TUT4: variants seen among roughly 807,000 people sequenced by gnomAD.
TUT4 encodes the protein terminal uridylyl transferase 4.
A neutral mutation model predicts 192.2 loss-of-function variants in TUT4; 36 were observed. That is an observed-to-expected ratio of 0.19 (90% CI 0.14 to 0.25). The LOEUF (loss-of-function observed/expected upper bound fraction) is 0.25, where lower values mean the gene tolerates loss of function less well. Ranked by LOEUF, TUT4 falls within the 10% of genes least tolerant of loss-of-function variation. The pLI is 1.00. For synonymous variants in TUT4, 618 were observed against 666.0 expected (o/e 0.93, Z 1.11); for missense variants, 1,493 against 1,957.2 (o/e 0.76, Z 4.47).
chr1:52,511,811 T>G (rs1571140029), intron 3 of TUT4, among the ~76,000 whole-genome samples: 1 of 152,134 alleles, frequency 6.6e-6, no homozygotes, highest in Admixed American at 6.6e-5. Context: ...CCATTGAAGG[T>G]TTATGAGCAG....
In TUT4 at chr1:52,472,102, G is replaced by A. The variant is rs746647559; in HGVS notation, c.2728C>T (p.Pro910Ser). ...FDKFILTSGK[P>S]PTIVCSICKK... ...CAGATGCTGCATACTATCGTTGGTGGCTACACAAAGATAAAAAGAAATCTA... is the reference window on the plus strand; with the variant it reads ...CAGATGCTGCATACTATCGTTGGTGACTACACAAAGATAAAAAGAAATCTA... The change falls in exon 14 of 30, where the codon CCA becomes TCA. Residue 910 changes from proline to serine, a missense_variant and splice_region_variant. This residue lies in a region of TUT4 where 59 missense variants were observed against 114.3 expected (regional missense o/e 0.52). Transcript: ENST00000257177. 11 of 1,611,968 alleles carry A rather than the reference G, an allele frequency of 6.8e-6. No individual in the cohort carries two copies. The South Asian group carries it at 7.7e-5, about 11-fold the overall frequency.
intron 13 of TUT4, among the ~76,000 whole-genome samples, 188 bp downstream of exon 13, chr1:52,474,644 T>C (rs1415472502): frequency 6.6e-6 from 1 of 152,174 alleles, no homozygotes; most frequent in Non-Finnish European, 1.5e-5. Flanking sequence ...CTGAAACCTT[T>C]TGAGGCTTTA....
chr1:52,449,742 A>G (rs971146676), intron 20 of TUT4, among the ~76,000 whole-genome samples: 2 of 152,152 alleles, frequency 1.3e-5, no homozygotes, highest in Non-Finnish European at 2.9e-5. Flanking sequence ...TCATCTGGTA[A>G]AACTAAAACT....
At chr1:52,434,681 T>A (rs1653199460) in intron 27 of TUT4, 1 of 152,014 alleles carries the variant, frequency 6.6e-6, no homozygotes, top group Non-Finnish European at 1.5e-5. Flanking sequence ...ATACTAAAAA[T>A]ACAAAAATTA....
intron 1 of TUT4, among the ~76,000 whole-genome samples, chr1:52,550,117 T>TA (rs1369497088): frequency 6.6e-6 from 1 of 152,112 alleles, no homozygotes; most frequent in Non-Finnish European, 1.5e-5. Context: ...AATAAAGATT[T>TA]AAAAAAGGAA....
intron 1 of TUT4, among the ~76,000 whole-genome samples, chr1:52,537,641 G>C (rs61319807): frequency 6.6e-6 from 1 of 152,178 alleles, no homozygotes; most frequent in African/African-American, 2.4e-5. Context: ...GGCTCAGCGC[G>C]GTGGCTCATG....
chr1:52,479,887 T>G (rs1452527591), intron 11 of TUT4, among the ~76,000 whole-genome samples: 1 of 150,444 alleles, frequency 6.6e-6, no homozygotes, highest in Non-Finnish European at 1.5e-5. Flanking sequence ...CCCAGCTACT[T>G]GGGAGGCTGA....
In TUT4 at chr1:52,463,744, G is replaced by T. The variant is rs533357230; in HGVS notation, c.3069+1326C>A. ...TGTCCAATCAGTCTTTTTCTTCCCT[G>T]GAGCTTGGACAATCTCCTTCCCACT... On this transcript the variant is annotated intron_variant, in intron 16 of 29. Transcript: ENST00000257177. 3.8e-5 allele frequency: 49 copies of T among 1,304,140 alleles called. 1 individual carries two copies. In the South Asian group the frequency reaches 5.6e-4, roughly 15 times the overall value. The allele number at this position is 1,304,140 out of a possible 1,614,324, so 80.8% of individuals were successfully genotyped here.
intron 27 of TUT4, 73 bp from the exon 28 acceptor site, chr1:52,431,533 C>T: frequency 1.7e-6 from 2 of 1,189,654 alleles, no homozygotes; most frequent in Non-Finnish European, 2.3e-6. Flanking sequence ...AGATAAAATA[C>T]AAAATTAAAA....
chr1:52,489,096 A>T, intron 8 of TUT4, 61 bp from the exon 9 acceptor site: 1 of 1,476,466 alleles, frequency 6.8e-7, no homozygotes, highest in Non-Finnish European at 9.0e-7. Context: ...GAATACTTCA[A>T]ATCCTGTGGC....
intron 7 of TUT4, 143 bp from the exon 8 acceptor site, chr1:52,490,944 C>G (rs907521693): frequency 1.0e-5 from 7 of 701,244 alleles, no homozygotes; most frequent in Non-Finnish European, 1.4e-5. Context: ...TGAGCACCAA[C>G]CCAGCGAAAT....
rs188412921 is a variant in TUT4, at chr1:52,436,868, C to T, written c.4049G>A (p.Arg1350Gln). 6.8e-5 allele frequency: 110 copies of T among 1,613,844 alleles called. No individual in the cohort carries two copies. The African/African-American group carries it at 8.1e-4, about 12-fold the overall frequency. The change falls in exon 26 of 30, where the codon CGA becomes CAA. Residue 1350 changes from arginine to glutamine, a missense_variant. By Grantham distance (43) the Arg-to-Gln change is conservative. Around this residue, in one of 7 missense-constraint regions of TUT4, gnomAD observed 351 missense variants for 397.8 expected, o/e 0.88. Transcript: ENST00000257177. ...GAGGTCTCTCGGGTCTCTAAAGTCT[C>T]GAGTATCGTGGAGGTCTCGGGGGTC... The part of the protein sequence containing the change: ...VLDPRDLHDT[R>Q]DFRDPRDLRC...
intron 3 of TUT4, among the ~76,000 whole-genome samples, chr1:52,513,092 C>T (rs1677674991): frequency 6.7e-6 from 1 of 148,954 alleles, no homozygotes; most frequent in African/African-American, 2.5e-5. Context: ...CACTGCACTC[C>T]AGCCTGGGAG....
chr1:52,508,882 T>C (rs1182428882), intron 4 of TUT4, among the ~76,000 whole-genome samples: 1 of 152,240 alleles, frequency 6.6e-6, no homozygotes, highest in Non-Finnish European at 1.5e-5. Flanking sequence ...TAGAAATAAC[T>C]GAAAAATTAC....
chr1:52,429,674 C>T (rs181713553), intron 28 of TUT4, among the ~76,000 whole-genome samples: 18 of 151,830 alleles, frequency 1.2e-4, no homozygotes, highest in African/African-American at 4.1e-4. Context: ...TCACTGCAAC[C>T]TCTCTTTCCC....
At chr1:52,498,695 T>C (rs1255721675) in intron 4 of TUT4, among the ~76,000 whole-genome samples, 2 of 151,262 alleles carry the variant, frequency 1.3e-5, no homozygotes, top group Middle Eastern at 3.4e-3. Context: ...CAGACAACCC[T>C]GGCCAACATG....
At chr1:52,451,095 C>T (rs558699572) in intron 20 of TUT4, among the ~76,000 whole-genome samples, 14 of 152,040 alleles carry the variant, frequency 9.2e-5, no homozygotes, top group Non-Finnish European at 4.4e-5. Context: ...GAAACCCCAT[C>T]TCTACTAAAA....
chr1:52,544,267 G>A (rs1489738648), intron 1 of TUT4, among the ~76,000 whole-genome samples: 2 of 148,616 alleles, frequency 1.3e-5, no homozygotes, highest in Non-Finnish European at 3.0e-5. Context: ...CAGCCTGGGC[G>A]ACAGAGTGAG....
intron 4 of TUT4, 37 bp from the exon 5 acceptor site, chr1:52,497,220 A>G (rs188590574): frequency 6.6e-7 from 1 of 1,526,446 alleles, no homozygotes; most frequent in South Asian, 1.3e-5. Flanking sequence ...AAAAACAAAA[A>G]AAGTTTCTAT....
Sources: allele counts gnomAD v4.1 joint callset (sites outside exome capture counted in the v4.1 genomes callset), GRCh38; gene constraint gnomAD v4.1.1; regional missense constraint gnomAD v4.1.1; transcripts MANE v1.5; gene names NCBI Gene and HGNC (gene_info 2026-07-23, HGNC 2026-07-21).